Variants in ZBTB20 observed in about 807,000 individuals in gnomAD.
ZBTB20 encodes zinc finger and BTB domain-containing protein 20.
Under a neutral mutation model 56.9 loss-of-function variants are expected in ZBTB20, and 9 were observed. That is an observed-to-expected ratio of 0.16 (90% confidence interval 0.10 to 0.28). ZBTB20 has a LOEUF of 0.28. Among genes scored for constraint, ZBTB20 ranks in the 10% least tolerant of loss-of-function variants. The pLI is 1.00. For synonymous variants in ZBTB20, 417 were observed against 420.7 expected (o/e 0.99, Z 0.11); for missense variants, 655 against 1,003.0 (o/e 0.65, Z 4.69).
At chr3:114,778,280 A>ATAC (rs2108765018) in intron 5 of ZBTB20, among the ~76,000 whole-genome samples, 1 of 46,574 alleles carries the variant, frequency 2.1e-5, no homozygotes, top group South Asian at 1.3e-3. Context: ...AATAATAATA[A>ATAC]TACACATTCA....
At chr3:114,772,825 T>G (rs1475329897) in intron 5 of ZBTB20, among the ~76,000 whole-genome samples, 1 of 152,046 alleles carries the variant, frequency 6.6e-6, no homozygotes, top group Non-Finnish European at 1.5e-5. Flanking sequence ...CATGGCAAAA[T>G]GTTATGTTAC....
At chr3:114,444,876 G>A (rs565813447) in intron 7 of ZBTB20, among the ~76,000 whole-genome samples, 6 of 152,018 alleles carry the variant, frequency 3.9e-5, no homozygotes, top group South Asian at 4.2e-4. Context: ...AGTTTTTCTC[G>A]TAAATTTTGT....
intron 4 of ZBTB20, chr3:114,876,532 T>C (rs2076205832): frequency 2.0e-5 from 3 of 152,212 alleles, no homozygotes; most frequent in Admixed American, 2.0e-4. Flanking sequence ...ATGCTTTGCC[T>C]TATTTCTTAT....
chr3:115,084,555 T>A (rs776122914), intron 1 of ZBTB20, among the ~76,000 whole-genome samples: 1 of 151,700 alleles, frequency 6.6e-6, no homozygotes, highest in Admixed American at 6.6e-5. Context: ...AGTGGAAAAA[T>A]ATGAGATTTG....
At chr3:114,775,942 G>A (rs1461543716) in intron 5 of ZBTB20, among the ~76,000 whole-genome samples, 1 of 151,954 alleles carries the variant, frequency 6.6e-6, no homozygotes, top group Non-Finnish European at 1.5e-5. Flanking sequence ...CTACAAATCT[G>A]CAGACCATTG....
At chr3:114,931,387 G>T in intron 3 of ZBTB20, 1 of 243,978 alleles carries the variant, frequency 4.1e-6, no homozygotes, top group South Asian at 6.1e-5. Context: ...ACCACAACAT[G>T]GCAAAGAGAC....
At chr3:114,492,579 CTCTAG>C (rs2042869187) in intron 7 of ZBTB20, among the ~76,000 whole-genome samples, 2 of 152,164 alleles carry the variant, frequency 1.3e-5, no homozygotes, top group African/African-American at 4.8e-5. Flanking sequence ...ACTGTCAATA[CTCTAG>C]TCTGCCTCTT....
At chr3:115,038,907 A>AT (rs2081036630) in intron 2 of ZBTB20, among the ~76,000 whole-genome samples, 2 of 152,114 alleles carry the variant, frequency 1.3e-5, no homozygotes, top group African/African-American at 2.4e-5. Flanking sequence ...AAGTTATGCA[A>AT]TTTTTTACCT....
intron 5 of ZBTB20, among the ~76,000 whole-genome samples, chr3:114,782,283 G>T (rs1177691973): frequency 6.6e-6 from 1 of 152,088 alleles, no homozygotes; most frequent in Admixed American, 6.5e-5. Context: ...CTCAGTAGTT[G>T]CTCAGTGGCA....
At chr3:114,876,836 C>T (rs2076217543) in intron 4 of ZBTB20, among the ~76,000 whole-genome samples, 1 of 152,154 alleles carries the variant, frequency 6.6e-6, no homozygotes, top group South Asian at 2.1e-4. Context: ...CTATGATACC[C>T]ATAGATTGGA....
At chr3:114,697,870 T>C (rs1448255056) in intron 5 of ZBTB20, among the ~76,000 whole-genome samples, 1 of 152,158 alleles carries the variant, frequency 6.6e-6, no homozygotes, top group Non-Finnish European at 1.5e-5. Flanking sequence ...TTTATTCCTA[T>C]AGCTCTGACT....
At chr3:114,346,596 T>C (rs1211609379) in intron 11 of ZBTB20, among the ~76,000 whole-genome samples, 1 of 152,192 alleles carries the variant, frequency 6.6e-6, no homozygotes, top group Middle Eastern at 3.2e-3. Context: ...CTATGAAATA[T>C]GCTTTACAAC....
intron 7 of ZBTB20, among the ~76,000 whole-genome samples, chr3:114,420,554 C>T (rs1352828642): frequency 6.6e-6 from 1 of 152,122 alleles, no homozygotes; most frequent in Non-Finnish European, 1.5e-5. Context: ...TTGTCTGACT[C>T]TTCTCTGGTT....
At chr3:114,997,336 G>T (rs531778464) in intron 2 of ZBTB20, among the ~76,000 whole-genome samples, 1 of 151,860 alleles carries the variant, frequency 6.6e-6, no homozygotes, top group African/African-American at 2.4e-5. Context: ...GGTGATGTTT[G>T]TACAACCTTG....
At chr3:114,951,675 A>G (rs2077071174) in intron 3 of ZBTB20, among the ~76,000 whole-genome samples, 1 of 152,130 alleles carries the variant, frequency 6.6e-6, no homozygotes, top group Admixed American at 6.6e-5. Context: ...AAATGTCAAC[A>G]TTCTCCATAG....
chr3:115,147,028 G>A (rs2085017591), intron 1 of ZBTB20, among the ~76,000 whole-genome samples, 191 bp downstream of exon 1: 1 of 149,350 alleles, frequency 6.7e-6, no homozygotes, highest in South Asian at 2.1e-4. Context: ...GGGCGCGCGC[G>A]CTCATCCAGC....
At chr3:114,556,116 G>A (rs2051191920) in intron 6 of ZBTB20, among the ~76,000 whole-genome samples, 1 of 152,036 alleles carries the variant, frequency 6.6e-6, no homozygotes, top group African/African-American at 2.4e-5. Context: ...TTAACTATTT[G>A]TTTCCTTCTT....
chr3:114,457,796 C>A (rs189474174), intron 7 of ZBTB20, among the ~76,000 whole-genome samples: 1 of 152,146 alleles, frequency 6.6e-6, no homozygotes, highest in African/African-American at 2.4e-5. Context: ...CAAGATCACA[C>A]GCCTAGCAAG....
intron 7 of ZBTB20, among the ~76,000 whole-genome samples, chr3:114,497,148 T>C (rs764992225): frequency 2.0e-5 from 3 of 152,222 alleles, no homozygotes; most frequent in Non-Finnish European, 4.4e-5. Context: ...ATTTCAACAC[T>C]ACCAAATAGC....
Sources: gnomAD v4.1 joint callset for allele counts (sites outside exome capture counted in the v4.1 genomes callset) on GRCh38, gnomAD v4.1.1 for gene constraint, MANE v1.5 for transcripts, NCBI Gene and HGNC (gene_info 2026-07-23, HGNC 2026-07-21) for gene names.